Variants in SPTB observed in about 807,000 individuals in gnomAD.
SPTB encodes spectrin beta chain, erythrocytic.
Under a neutral mutation model 256.2 loss-of-function variants are expected in SPTB, and 45 were observed. That is an observed-to-expected ratio of 0.18 (90% CI 0.14 to 0.23). SPTB has a LOEUF of 0.23. Ranked by LOEUF, SPTB falls within the 10% of genes least tolerant of loss-of-function variation. SPTB has a pLI of 1.00. For missense variants in SPTB, 2,715 were observed against 3,040.4 expected (o/e 0.89, Z 2.52); for synonymous variants, 1,231 against 1,243.1 (o/e 0.99, Z 0.21).
chr14:64,844,396 G>C lies in SPTB; in HGVS notation c.-51-21251C>G, dbSNP rs2083657250. Among the ~76,000 whole-genome samples, 1 of 152,332 alleles carries C rather than the reference G, an allele frequency of 6.6e-6. No individual in the cohort carries two copies. The highest frequency in any genetic ancestry group is 2.1e-4 in the South Asian group (1 of 4,826). On this transcript the variant is annotated intron_variant, in intron 1 of 35. Transcript: ENST00000644917. The surrounding 1 kb of genome is among the most constrained non-coding windows in gnomAD (Gnocchi z 4.1). Reference sequence around the variant, plus strand: ...CCCAACAACGAAACAACCATGTTTAGTGAGTACTTAGAACATGTGAGGCAC... The same window carrying C: ...CCCAACAACGAAACAACCATGTTTACTGAGTACTTAGAACATGTGAGGCAC...
chr14:64,803,009 G>A (rs2082915556), intron 4 of SPTB, among the ~76,000 whole-genome samples: 1 of 152,148 alleles, frequency 6.6e-6, no homozygotes, highest in Admixed American at 6.5e-5. Flanking sequence ...ATGCACCCAT[G>A]GAGAGTGAGA....
In SPTB at chr14:64,785,603, G is replaced by A. The variant is rs772003059; in HGVS notation, c.3789C>T (p.Ala1263=). 4 of 1,614,046 alleles carry A rather than the reference G, an allele frequency of 2.5e-6. No homozygotes were observed. The highest frequency in any genetic ancestry group is 3.4e-6 in the Non-Finnish European group (4 of 1,180,008). Residue 1263 remains alanine, a synonymous_variant, in exon 18 of 36, where the codon GCC becomes GCT. Transcript: ENST00000644917. This position sits in a 1 kb window ranked among gnomAD's most constrained non-coding sequence, Gnocchi z 4.4. Reference sequence around the variant, plus strand: ...CTCTCAGTAGGACAGAGGCCTCCTGGGCCTTCTCGTTGTTCTTCCTGTGCC... The same window carrying A: ...CTCTCAGTAGGACAGAGGCCTCCTGAGCCTTCTCGTTGTTCTTCCTGTGCC... ...EDRHRKNNEK[A]QEASVLLRDN...
In SPTB at chr14:64,841,271, A is replaced by G. The variant is rs2083602467; in HGVS notation, c.-51-18126T>C. On this transcript the variant is annotated intron_variant, in intron 1 of 35. Transcript: ENST00000644917. The surrounding 1 kb of genome is among the most constrained non-coding windows in gnomAD (Gnocchi z 4.6). ...AATGACAGAGCCAGGATTCAAACGC[A>G]GGCAGTCTGAGTCAGAGCCCCTGCC... Among the ~76,000 whole-genome samples, 1 of 152,224 alleles carries G rather than the reference A, an allele frequency of 6.6e-6. No individual in the cohort carries two copies. The highest frequency in any genetic ancestry group is 6.5e-5 in the Admixed American group (1 of 15,284).
intron 2 of SPTB, among the ~76,000 whole-genome samples, chr14:64,811,464 A>T (rs187661165): frequency 6.6e-6 from 1 of 152,338 alleles, no homozygotes; most frequent in East Asian, 1.9e-4. Context: ...CTGAATATCA[A>T]GTGTATATTA....
chr14:64,751,927 C>CAAAAAAAAAAAAAA lies in SPTB; in HGVS notation c.6602+1596_6602+1609dup, dbSNP rs374561563. Among the ~76,000 whole-genome samples, 153 of 71,880 alleles carry CAAAAAAAAAAAAAA rather than the reference C, an allele frequency of 2.1e-3. 5 individuals are homozygous for CAAAAAAAAAAAAAA. The highest frequency in any genetic ancestry group is 8.2e-3 in the African/African-American group (143 of 17,450). The allele number at this position is 71,880 out of a possible 152,430, so 47.2% of individuals were successfully genotyped here. A position where few individuals can be genotyped will look rare whatever the true frequency, so the allele number is the denominator to read the frequency against. On this transcript the variant is annotated intron_variant, in intron 33 of 35. Coordinates refer to ENST00000644917, the MANE Select transcript of SPTB (RefSeq NM_001355436.2). ...TGAAACCCCATTTCTACTAAAAATG[C>CAAAAAAAAAAAAAA]AAAAAAAAAAAAAAAAATTAGCCAG...
intron 2 of SPTB, among the ~76,000 whole-genome samples, chr14:64,814,199 C>T (rs1040467200): frequency 1.3e-5 from 2 of 152,152 alleles, no homozygotes. Flanking sequence ...GTCCCAGCTA[C>T]TTGGGAGGCT....
At chr14:64,875,382 A>G (rs1882767918) in intron 1 of SPTB, among the ~76,000 whole-genome samples, 1 of 152,248 alleles carries the variant, frequency 6.6e-6, no homozygotes, top group African/African-American at 2.4e-5. Context: ...TAAGAAATAC[A>G]CGCAGCAACA....
intron 8 of SPTB, 75 bp downstream of exon 8, chr14:64,800,681 T>C (rs574749255): frequency 4.5e-6 from 6 of 1,336,250 alleles, no homozygotes; most frequent in Non-Finnish European, 6.4e-6. Flanking sequence ...CTTTCTTTGG[T>C]TGGAAAGAGG....
rs2295523 is a variant in SPTB, at chr14:64,753,864, T to A, written c.6346-71A>T. On this transcript the variant is annotated intron_variant, in intron 32 of 35. Coordinates refer to ENST00000644917, the MANE Select transcript of SPTB (RefSeq NM_001355436.2). ...TTAGAGATGGCTGTTCTCAGCAAAA[T>A]TGGGAGGTCAGCAGCCACCCTCTCC... is the stretch of plus-strand genomic sequence containing the variant. The A allele has an allele frequency of 7.5e-6, 12 of 1,596,020 alleles. No individual in the cohort carries two copies. In the South Asian group the frequency reaches 1.3e-4, roughly 18 times the overall value.
chr14:64,808,982 C>T (rs753974956), intron 2 of SPTB, among the ~76,000 whole-genome samples: 8 of 151,888 alleles, frequency 5.3e-5, no homozygotes, highest in Non-Finnish European at 8.8e-5. Flanking sequence ...AAAGCTAGGC[C>T]GGGCATGGTG....
chr14:64,792,560 A>G lies in SPTB; in HGVS notation c.2666+437T>C, dbSNP rs1163561179. Among the ~76,000 whole-genome samples the G allele has an allele frequency of 6.6e-6, 1 of 152,086 alleles. No homozygotes were observed. The highest frequency in any genetic ancestry group is 1.5e-5 in the Non-Finnish European group (1 of 68,016). ...ACACCAGGGGTGAGAGTGGCCTTGCAGACAGGGGGTTTGCAAATTCTCTCT... is the reference window on the plus strand; with the variant it reads ...ACACCAGGGGTGAGAGTGGCCTTGCGGACAGGGGGTTTGCAAATTCTCTCT... On this transcript the variant is annotated intron_variant, in intron 14 of 35. Coordinates refer to ENST00000644917, the MANE Select transcript of SPTB (RefSeq NM_001355436.2). The surrounding 1 kb of genome is among the most constrained non-coding windows in gnomAD (Gnocchi z 4.2).
intron 33 of SPTB, among the ~76,000 whole-genome samples, chr14:64,753,260 C>G (rs954714488): frequency 8.5e-5 from 13 of 152,192 alleles, no homozygotes; most frequent in African/African-American, 3.1e-4. Context: ...ATACTGTTCT[C>G]ATCCTCTCCT....
At chr14:64,814,803 G>A (rs2083158604) in intron 2 of SPTB, among the ~76,000 whole-genome samples, 2 of 152,224 alleles carry the variant, frequency 1.3e-5, no homozygotes. Context: ...ACTGCGTCCA[G>A]CTCCTATTGC....
chr14:64,785,537 C>T lies in SPTB; in HGVS notation c.3855G>A (p.Glu1285=), dbSNP rs1339247570. Residue 1285 remains glutamate, a splice_region_variant and synonymous_variant, in exon 18 of 36, where the codon GAG becomes GAA. Transcript: ENST00000644917. This position sits in a 1 kb window ranked among gnomAD's most constrained non-coding sequence, Gnocchi z 4.4. ...CAGCCACTCCTTGCTGGAGCCTCAC[C>T]TCCTGGCAGTTCTGGAGGAAGTTCT... is the stretch of plus-strand genomic sequence containing the variant. ...ELQNFLQNCQ[E]LTLWINDKLL... is the part of the protein sequence containing the mutation. The T allele has an allele frequency of 6.2e-7, 1 of 1,612,074 alleles. No individual in the cohort carries two copies. The highest frequency in any genetic ancestry group is 2.2e-5 in the East Asian group (1 of 44,866).
chr14:64,833,355 A>G (rs542669644), intron 1 of SPTB, among the ~76,000 whole-genome samples: 1 of 152,300 alleles, frequency 6.6e-6, no homozygotes, highest in African/African-American at 2.4e-5. Flanking sequence ...GTTCGAGACC[A>G]GGCTGGCCAA....
At chr14:64,789,342 AT>A (rs2082629096) in intron 15 of SPTB, among the ~76,000 whole-genome samples, 1 of 152,206 alleles carries the variant, frequency 6.6e-6, no homozygotes, top group African/African-American at 2.4e-5. Context: ...ATGGAGTGAG[AT>A]TCTGTCTCTA....
intron 2 of SPTB, among the ~76,000 whole-genome samples, chr14:64,811,529 T>C (rs892577326): frequency 6.6e-6 from 1 of 152,240 alleles, no homozygotes. Flanking sequence ...AATGGTATCA[T>C]GGTTAGGTGG....
chr14:64,751,213 A>G lies in SPTB; in HGVS notation c.6603-1059T>C, dbSNP rs1594735470. 4.0e-5 allele frequency among the ~76,000 whole-genome samples: 6 copies of G among 151,640 alleles called. No homozygotes were observed. The South Asian group carries it at 1.2e-3, about 31-fold the overall frequency. On this transcript the variant is annotated intron_variant, in intron 33 of 35. Transcript: ENST00000644917. ...CAGCTCACTGCAACCTCCGCCTCCC[A>G]GGTTCAAGCGATTTTCTTGCCTCAG... is the stretch of plus-strand genomic sequence containing the variant.
rs945156282 is a variant in SPTB at position 64,792,166 on chromosome 14, G to A, written c.2667-310C>T. On this transcript the variant is annotated intron_variant, in intron 14 of 35. Transcript: ENST00000644917. This position sits in a 1 kb window ranked among gnomAD's most constrained non-coding sequence, Gnocchi z 4.2. ...GCTGAAGAGAGGTTACTGTGTATTT[G>A]TGTGGGGGATGTCAATTGTCACAAG... 1.3e-5 allele frequency among the ~76,000 whole-genome samples: 2 copies of A among 152,212 alleles called. No individual in the cohort carries two copies. Among genetic ancestry groups the A allele is most frequent in the Admixed American group, 6.5e-5 (1 of 15,294 alleles).
Sources: allele counts gnomAD v4.1 joint callset (sites outside exome capture counted in the v4.1 genomes callset), GRCh38; gene constraint gnomAD v4.1.1; non-coding constraint Gnocchi (gnomAD v3.1); transcripts MANE v1.5; gene names NCBI Gene and HGNC (gene_info 2026-07-23, HGNC 2026-07-21).